The following LMO7 variants were observed in gnomAD, a reference collection of about 807,000 sequenced individuals.
LMO7 encodes the protein LIM domain 7.
In LMO7, 120 loss-of-function variants were observed where a neutral mutation model predicts 206.5. That is an observed-to-expected ratio of 0.58 (90% confidence interval 0.50 to 0.68). The LOEUF is 0.68. Among genes scored for constraint, LMO7 ranks in the 30% least tolerant of loss-of-function variants. LMO7 has a pLI of 0.00. For synonymous variants in LMO7, 706 were observed against 681.5 expected, an observed-to-expected ratio of 1.04 and a Z score of -0.56; for missense variants, 1,959 against 1,957.9, an observed-to-expected ratio of 1.00 and a Z score of -0.01.
chr13:75,647,674 A>G lies in LMO7; in HGVS notation c.69+10948A>G, dbSNP rs375789578. ...ATAATTGGAGACAGAGAAGCAGAAA[A>G]TAGCTTTACCCTGTTTAGAAATAAA... is the stretch of plus-strand genomic sequence containing the variant. On this transcript the variant is annotated intron_variant, in intron 1 of 30. Coordinates refer to ENST00000377534, the MANE Select transcript of LMO7 (RefSeq NM_001306080.2). Among the ~76,000 whole-genome samples, 8 of 151,224 alleles carry G rather than the reference A, an allele frequency of 5.3e-5. No individual in the cohort carries two copies. In the East Asian group the frequency reaches 1.6e-3, roughly 29 times the overall value.
chr13:75,779,240 A>T (rs969287582), intron 4 of LMO7, among the ~76,000 whole-genome samples: 4 of 152,268 alleles, frequency 2.6e-5, no homozygotes, highest in Middle Eastern at 3.4e-3. Flanking sequence ...TTCTGGGCAG[A>T]GATAATGACA....
intron 1 of LMO7, among the ~76,000 whole-genome samples, chr13:75,704,314 C>T (rs551668620): frequency 9.9e-5 from 15 of 152,208 alleles, no homozygotes; most frequent in African/African-American, 1.4e-4. Flanking sequence ...TGGTTTCTAA[C>T]GTAAATGTTT....
intron 1 of LMO7, among the ~76,000 whole-genome samples, chr13:75,700,697 C>T (rs1331978398): frequency 6.6e-6 from 1 of 152,178 alleles, no homozygotes; most frequent in Admixed American, 6.5e-5. Context: ...AGCCGATCTG[C>T]AAACCAAGAA....
chr13:75,709,838 A>G (rs2042946709), intron 1 of LMO7, among the ~76,000 whole-genome samples: 1 of 126,934 alleles, frequency 7.9e-6, no homozygotes, highest in Non-Finnish European at 1.7e-5. Context: ...TTTTGTTGCC[A>G]TTGCTTTTGG....
chr13:75,786,380 T>C (rs969242474), intron 4 of LMO7, among the ~76,000 whole-genome samples: 1 of 150,094 alleles, frequency 6.7e-6, no homozygotes. Flanking sequence ...TTTTCTTCTT[T>C]TTTTTTTTTT....
Position 75,737,752 on chromosome 13 carries a change from C to CAAAA in LMO7, c.210+10665_210+10668dup, listed in dbSNP as rs374266925. Among the ~76,000 whole-genome samples the CAAAA allele has an allele frequency of 3.1e-3, 108 of 35,186 alleles. 2 individuals carry two copies. The highest frequency in any genetic ancestry group is 5.6e-3 in the South Asian group (5 of 896). The allele number at this position is 35,186 out of a possible 152,430, so 23.1% of individuals were successfully genotyped here. On this transcript the variant is annotated intron_variant, in intron 3 of 30. Coordinates refer to ENST00000377534, the MANE Select transcript of LMO7 (RefSeq NM_001306080.2). ...TGGGCGACAGAGCGAGACTCCGTCT[C>CAAAA]AAAAAAAAAAAAAATAAAATAAAAT...
intron 1 of LMO7, among the ~76,000 whole-genome samples, chr13:75,697,791 G>A (rs940548934): frequency 5.3e-5 from 8 of 152,126 alleles, no homozygotes; most frequent in Non-Finnish European, 7.4e-5. Flanking sequence ...CTTGATCAAC[G>A]GGAAACTAAT....
chr13:75,762,296 G>A (rs539935574), intron 4 of LMO7, among the ~76,000 whole-genome samples: 4 of 152,248 alleles, frequency 2.6e-5, no homozygotes, highest in South Asian at 4.1e-4. Context: ...TCTGTAGTAT[G>A]TAGGGGTCAT....
chr13:75,810,538 C>A (rs1227352868), intron 11 of LMO7, among the ~76,000 whole-genome samples: 1 of 152,342 alleles, frequency 6.6e-6, no homozygotes, highest in African/African-American at 2.4e-5. Flanking sequence ...TATCCGCTTT[C>A]CAGCTCATCT....
chr13:75,787,423 G>A (rs557380868), intron 4 of LMO7, among the ~76,000 whole-genome samples: 1 of 152,218 alleles, frequency 6.6e-6, no homozygotes, highest in East Asian at 1.9e-4. Flanking sequence ...GTGTGTGTGT[G>A]GTTTGTTTCT....
At chr13:75,665,498 A>G (rs2038995733) in intron 1 of LMO7, among the ~76,000 whole-genome samples, 1 of 151,706 alleles carries the variant, frequency 6.6e-6, no homozygotes, top group South Asian at 2.1e-4. Context: ...ATTATATTCT[A>G]ATTCAGAGGA....
rs769638872 is a variant in LMO7, at chr13:75,807,785, A to G, written c.1502A>G (p.Gln501Arg). Residue 501 changes from glutamine to arginine, a missense_variant, in exon 10 of 31, where the codon CAG becomes CGG. Physicochemically the swap from Gln to Arg is conservative, Grantham distance 43 (BLOSUM62 1). Coordinates refer to ENST00000377534, the MANE Select transcript of LMO7 (RefSeq NM_001306080.2). ...TCTGTAGAGCGAGATATAATTTTAC[A>G]GTGTAGAGAAGGTGAACTTGTACTT... ...DDSVERDIIL[Q>R]CREGELVLPD... The G allele has an allele frequency of 5.6e-6, 9 of 1,613,784 alleles. No homozygotes were observed. Among genetic ancestry groups the G allele is most frequent in the South Asian group, 3.3e-5 (3 of 91,076 alleles).
intron 3 of LMO7, among the ~76,000 whole-genome samples, chr13:75,753,481 T>C (rs997122583): frequency 1.3e-5 from 2 of 152,194 alleles, no homozygotes; most frequent in African/African-American, 4.8e-5. Flanking sequence ...ATTCTTTGCC[T>C]AGACTAGTGA....
At chr13:75,778,830 G>C (rs540886972) in intron 4 of LMO7, among the ~76,000 whole-genome samples, 2 of 152,280 alleles carry the variant, frequency 1.3e-5, no homozygotes, top group South Asian at 4.1e-4. Flanking sequence ...TCAATCATTA[G>C]CATGCATCAG....
At chr13:75,730,065 T>C (rs2044977312) in intron 3 of LMO7, among the ~76,000 whole-genome samples, 1 of 151,964 alleles carries the variant, frequency 6.6e-6, no homozygotes, top group Non-Finnish European at 1.5e-5. Context: ...TCAACGTTCA[T>C]CAAGGATATT....
Position 75,819,475 on chromosome 13 carries a change from A to T in LMO7, c.2147A>T (p.Lys716Met), listed in dbSNP as rs770783273. ...AAAGAAGAGAGAGAAGAAATTGAAAAGCAGGCACTTGAGAAGTCTAAGAGA... is the reference window on the plus strand; with the variant it reads ...AAAGAAGAGAGAGAAGAAATTGAAATGCAGGCACTTGAGAAGTCTAAGAGA... ...KKKEEREEIE[K>M]QALEKSKRSS... The change falls in exon 13 of 31, where the codon AAG becomes ATG. Residue 716 changes from lysine (K) to methionine (M), a missense_variant. By Grantham distance (95) the Lys-to-Met change is moderately conservative (BLOSUM62 -1). Transcript: ENST00000377534. 1 of 1,613,446 alleles carries T rather than the reference A, an allele frequency of 6.2e-7. No individual in the cohort carries two copies. The highest frequency in any genetic ancestry group is 1.1e-5 in the South Asian group (1 of 90,982).
At chr13:75,835,429 C>A in intron 18 of LMO7, 90 bp downstream of exon 18, 2 of 742,034 alleles carry the variant, frequency 2.7e-6, no homozygotes, top group Admixed American at 3.1e-5. Context: ...TTTGTTTGTA[C>A]AATTTTGATG....
intron 11 of LMO7, among the ~76,000 whole-genome samples, chr13:75,815,082 G>T (rs373584941): frequency 1.2e-3 from 183 of 152,266 alleles, no homozygotes; most frequent in African/African-American, 4.3e-3. Flanking sequence ...TCTGAGTGCA[G>T]TCTGAAAGGA....
intron 3 of LMO7, among the ~76,000 whole-genome samples, chr13:75,740,354 C>T (rs2046315470): frequency 6.6e-6 from 1 of 152,208 alleles, no homozygotes; most frequent in Non-Finnish European, 1.5e-5. Flanking sequence ...TCTGGGAGGT[C>T]AAGGCGGGAG....
Sources: gnomAD v4.1 joint callset for allele counts (sites outside exome capture counted in the v4.1 genomes callset) on GRCh38, gnomAD v4.1.1 for gene constraint, MANE v1.5 for transcripts, NCBI Gene and HGNC (gene_info 2026-07-23, HGNC 2026-07-21) for gene names.